The following MUSK variants were observed in gnomAD, a reference collection of about 807,000 sequenced individuals.
MUSK encodes muscle, skeletal receptor tyrosine-protein kinase.
A neutral mutation model predicts 88.7 loss-of-function variants in MUSK; 55 were observed. That is an observed-to-expected ratio of 0.62 (90% CI 0.50 to 0.78). MUSK has a LOEUF of 0.78. MUSK is among the 30% of genes least tolerant of loss of function. MUSK has a pLI of 0.00. For synonymous variants in MUSK, 387 were observed against 391.9 expected (o/e 0.99, Z 0.15); for missense variants, 1,015 against 1,074.3 (o/e 0.94, Z 0.77).
At position 110,805,290 on chromosome 9, in the gene MUSK, C is replaced by G. The variant is rs940661809; in HGVS notation, c.*4302C>G. 1.3e-5 allele frequency among the ~76,000 whole-genome samples: 2 copies of G among 151,828 alleles called. No individual in the cohort carries two copies. The highest frequency in any genetic ancestry group is 3.0e-5 in the Non-Finnish European group (2 of 67,772). ...TTACCTTCCTGAATTATTTTATTAA[C>G]ATGTACCTCTCCTAGTCAGATAAGA... On this transcript the variant is annotated 3_prime_UTR_variant, in exon 15 of 15. Transcript: ENST00000374448.
rs867060594 is a variant in MUSK at position 110,689,180 on chromosome 9, T to C, written c.358+1912T>C. 8.7e-3 allele frequency among the ~76,000 whole-genome samples: 507 copies of C among 58,508 alleles called. 10 individuals carry two copies. The highest frequency in any genetic ancestry group is 0.031 in the Middle Eastern group (1 of 32). The allele number at this position is 58,508 out of a possible 152,430, so 38.4% of individuals were successfully genotyped here. On this transcript the variant is annotated intron_variant, in intron 3 of 14. Transcript: ENST00000374448. ...AAAATATAAATAAACTATATATTTA[T>C]ATAAATATATCATATATATATTCAT...
Position 110,762,058 on chromosome 9 carries a change from A to G in MUSK, c.914-144A>G, listed in dbSNP as rs887282477. ...CCATTAATGCAGCATCTGGCCTCCT[A>G]GCAGAAGCGGAGAACTTTTCAGAAA... On this transcript the variant is annotated intron_variant, in intron 7 of 14. Coordinates refer to ENST00000374448, the MANE Select transcript of MUSK (RefSeq NM_005592.4). 11 of 1,015,126 alleles carry G rather than the reference A, an allele frequency of 1.1e-5. No individual in the cohort carries two copies. The African/African-American group carries it at 1.8e-4, about 17-fold the overall frequency. The allele number at this position is 1,015,126 out of a possible 1,614,324, so 62.9% of individuals were successfully genotyped here.
At position 110,768,209 on chromosome 9, in the gene MUSK, G is replaced by C. The variant is rs2077514194; in HGVS notation, c.1184+126G>C. 7.0e-6 allele frequency: 7 copies of C among 1,005,632 alleles called. No individual in the cohort carries two copies. In the South Asian group the frequency reaches 9.9e-5, roughly 14 times the overall value. The allele number at this position is 1,005,632 out of a possible 1,614,324, so 62.3% of individuals were successfully genotyped here. The stretch of plus-strand genomic sequence containing the variant: ...AAGCTGGTTTTCATCCAAAATAGGA[G>C]GTTAATGCCTGGGTGCAGTGGCTCA... On this transcript the variant is annotated intron_variant, in intron 9 of 14. Coordinates refer to ENST00000374448, the MANE Select transcript of MUSK (RefSeq NM_005592.4).
At chr9:110,781,942 A>T (rs917540344) in intron 11 of MUSK, among the ~76,000 whole-genome samples, 4 of 152,186 alleles carry the variant, frequency 2.6e-5, no homozygotes, top group Admixed American at 2.0e-4. Flanking sequence ...ACTTACAGTT[A>T]CTCACTCTAG....
In MUSK at chr9:110,742,049, G is replaced by A. The variant is rs149431847; in HGVS notation, c.754-5592G>A. On this transcript the variant is annotated intron_variant, in intron 6 of 14. Transcript: ENST00000374448. ...GCCTGTTCTTTACCTCTCTAAGAAC[G>A]TTTCAAGTGTCATTTAAAATTTGAT... is the stretch of plus-strand genomic sequence containing the variant. Among the ~76,000 whole-genome samples the A allele has an allele frequency of 3.9e-5, 6 of 152,272 alleles. 1 individual carries two copies. Among genetic ancestry groups the A allele is most frequent in the South Asian group, 2.1e-4 (1 of 4,826 alleles).
At chr9:110,675,097 G>A (rs994541379) in intron 1 of MUSK, among the ~76,000 whole-genome samples, 12 of 152,042 alleles carry the variant, frequency 7.9e-5, no homozygotes, top group South Asian at 2.1e-4. Flanking sequence ...GTTATGTGGA[G>A]GCTATACATT....
At position 110,800,710 on chromosome 9, in the gene MUSK, C is replaced by T. The variant is rs750833487; in HGVS notation, c.2332C>T (p.Arg778Cys). ...GCCACCAGAGTCCATTTTTTATAAC[C>T]GCTACACTACAGAGTCTGATGTGTG... ...WMPPESIFYN[R>C]YTTESDVWAY... is the part of the protein sequence containing the mutation. The change falls in exon 15 of 15, where the codon CGC (arginine) becomes TGC (cysteine). Residue 778 changes from arginine to cysteine, a missense_variant. By Grantham distance (180) the Arg-to-Cys change is radical. Coordinates refer to ENST00000374448, the MANE Select transcript of MUSK (RefSeq NM_005592.4). 3.7e-5 allele frequency: 59 copies of T among 1,613,842 alleles called. No individual in the cohort carries two copies. The highest frequency in any genetic ancestry group is 4.7e-5 in the Non-Finnish European group (56 of 1,179,886).
chr9:110,799,629 C>G (rs1436608143), intron 14 of MUSK, among the ~76,000 whole-genome samples: 2 of 152,182 alleles, frequency 1.3e-5, no homozygotes, highest in African/African-American at 4.8e-5. Flanking sequence ...ACTCACCAAA[C>G]ATTATGAGGC....
At chr9:110,709,687 C>G (rs866591304) in intron 5 of MUSK, among the ~76,000 whole-genome samples, 2 of 152,140 alleles carry the variant, frequency 1.3e-5, no homozygotes, top group Admixed American at 6.5e-5. Flanking sequence ...CATGTGTCAT[C>G]TTTATCTCTG....
At chr9:110,687,059 C>T in intron 2 of MUSK, 58 bp from the exon 3 acceptor site, 1 of 1,561,834 alleles carries the variant, frequency 6.4e-7, no homozygotes, top group Middle Eastern at 1.8e-4. Context: ...ATACATTAAT[C>T]ATGGCAAAAA....
intron 6 of MUSK, among the ~76,000 whole-genome samples, chr9:110,737,484 T>C (rs972042042): frequency 5.9e-5 from 9 of 152,090 alleles, no homozygotes; most frequent in Admixed American, 1.3e-4. Context: ...TTTTTAATTG[T>C]GTTGTTTCAA....
intron 6 of MUSK, among the ~76,000 whole-genome samples, chr9:110,745,211 C>T (rs921465481): frequency 1.1e-4 from 17 of 152,148 alleles, no homozygotes; most frequent in Admixed American, 7.9e-4. Context: ...GGAGAAGAGA[C>T]GTCAGGCAGT....
At chr9:110,783,959 G>A (rs886738050) in intron 11 of MUSK, among the ~76,000 whole-genome samples, 1 of 151,762 alleles carries the variant, frequency 6.6e-6, no homozygotes, top group African/African-American at 2.4e-5. Context: ...ATGTCCCATT[G>A]GATTTTATTT....
Position 110,775,959 on chromosome 9 carries a change from T to G in MUSK, c.1356T>G (p.His452Gln). Residue 452 changes from histidine (H) to glutamine (Q), a missense_variant, in exon 10 of 15, where the codon CAT becomes CAG. By Grantham distance (24) the His-to-Gln change is conservative (BLOSUM62 0). Coordinates refer to ENST00000374448, the MANE Select transcript of MUSK (RefSeq NM_005592.4). ...WDPTACARLPHLDYNKENLKT... is the reference protein window; with the variant it reads ...WDPTACARLPQLDYNKENLKT... ...CCACGGCCTGTGCCAGACTGCCACA[T>G]CTAGGTAACACAGAGTTCTCCCAAG... 1 of 1,610,912 alleles carries G rather than the reference T, an allele frequency of 6.2e-7. No homozygotes were observed. The highest frequency in any genetic ancestry group is 8.5e-7 in the Non-Finnish European group (1 of 1,178,022).
chr9:110,700,602 T>C (rs1257186087), intron 5 of MUSK, among the ~76,000 whole-genome samples: 2 of 136,264 alleles, frequency 1.5e-5, no homozygotes, highest in African/African-American at 5.5e-5. Context: ...TCACGTTGCA[T>C]TGCAAGATTT....
rs565979773 is a variant in MUSK at position 110,670,327 on chromosome 9, C to A, written c.79+1344C>A. 5.0e-4 allele frequency among the ~76,000 whole-genome samples: 76 copies of A among 152,296 alleles called. No individual in the cohort carries two copies. The Middle Eastern group carries it at 0.01, about 20-fold the overall frequency. ...AAACAACGGATGTCCGGTAAGGCCCCACCTGGATGTTTGAACGTATGGGTT... is the reference window on the plus strand; with the variant it reads ...AAACAACGGATGTCCGGTAAGGCCCAACCTGGATGTTTGAACGTATGGGTT... On this transcript the variant is annotated intron_variant, in intron 1 of 14. Transcript: ENST00000374448.
intron 5 of MUSK, among the ~76,000 whole-genome samples, chr9:110,700,880 T>A (rs1247118890): frequency 2.4e-4 from 37 of 152,172 alleles, no homozygotes; most frequent in Non-Finnish European, 2.9e-5. Context: ...TCTCTTTTAC[T>A]TTCAGAAGTA....
intron 5 of MUSK, among the ~76,000 whole-genome samples, chr9:110,710,273 A>G (rs1587938674): frequency 6.6e-6 from 1 of 152,212 alleles, no homozygotes; most frequent in African/African-American, 2.4e-5. Flanking sequence ...TATGTGAGGT[A>G]GGATAATTTA....
rs1302421303 is a variant in MUSK at position 110,734,375 on chromosome 9, TGTGA to T, written c.753+4_753+7del. On this transcript the variant is annotated splice_donor_variant and splice_donor_region_variant and intron_variant, in intron 6 of 14. Coordinates refer to ENST00000374448, the MANE Select transcript of MUSK (RefSeq NM_005592.4). LOFTEE classifies it high-confidence loss of function. ...TCACCTGGATTGAAAACGGAAATGC[TGTGA>T]GTGTCATGTGTGTGGGGACTTGTCT... The T allele has an allele frequency of 6.2e-7, 1 of 1,613,138 alleles. No homozygotes were observed. The highest frequency in any genetic ancestry group is 8.5e-7 in the Non-Finnish European group (1 of 1,179,338).
Sources: gnomAD v4.1 joint callset for allele counts (sites outside exome capture counted in the v4.1 genomes callset) on GRCh38, gnomAD v4.1.1 for gene constraint, MANE v1.5 for transcripts, NCBI Gene and HGNC (gene_info 2026-07-23, HGNC 2026-07-21) for gene names.